The following GMDS variants were observed in gnomAD, a reference collection of about 807,000 sequenced individuals.
GMDS encodes the protein GDP-mannose 4,6 dehydratase.
Under a neutral mutation model 49.9 loss-of-function variants are expected in GMDS, and 20 were observed. The ratio of observed to expected loss-of-function variants is 0.40; its 90% confidence interval spans 0.28 to 0.58. The LOEUF is 0.58. Among genes scored for constraint, GMDS ranks in the 20% least tolerant of loss-of-function variants. The pLI, the probability that GMDS is intolerant of heterozygous loss-of-function variation, is 0.42. For missense variants in GMDS, 362 were observed against 481.4 expected, an observed-to-expected ratio of 0.75 and a Z score of 2.32; for synonymous variants, 177 against 178.6, an observed-to-expected ratio of 0.99 and a Z score of 0.07.
At chr6:2,054,547 G>A (rs1029844979) in intron 4 of GMDS, among the ~76,000 whole-genome samples, 3 of 152,074 alleles carry the variant, frequency 2.0e-5, no homozygotes, top group Admixed American at 1.3e-4. Context: ...CATAGCTATT[G>A]GAAATGAGGT....
At chr6:2,174,115 C>G (rs532430523) in intron 1 of GMDS, among the ~76,000 whole-genome samples, 2 of 152,264 alleles carry the variant, frequency 1.3e-5, no homozygotes, top group Non-Finnish European at 2.9e-5. Context: ...GGCGGTCTCA[C>G]TCATTCAATA....
At chr6:1,773,228 A>AAGAG (rs200894611) in intron 7 of GMDS, among the ~76,000 whole-genome samples, 3,098 of 149,984 alleles carry the variant, frequency 0.021, 101 homozygotes, top group African/African-American at 0.072. Flanking sequence ...AGAGAAGTCT[A>AAGAG]CTATTTGAGA....
At chr6:1,942,448 C>T (rs548687759) in intron 6 of GMDS, among the ~76,000 whole-genome samples, 1 of 152,292 alleles carries the variant, frequency 6.6e-6, no homozygotes, top group South Asian at 2.1e-4. Context: ...CTGATTTATT[C>T]AAGGTAAGAT....
intron 4 of GMDS, among the ~76,000 whole-genome samples, chr6:2,034,112 A>T (rs1769139172): frequency 6.6e-6 from 1 of 152,224 alleles, no homozygotes. Context: ...GTGTGTGTAT[A>T]TAAGGGACAC....
intron 9 of GMDS, among the ~76,000 whole-genome samples, chr6:1,703,471 GA>G (rs201307367): frequency 7.3e-4 from 105 of 144,640 alleles, no homozygotes; most frequent in African/African-American, 2.0e-3. Flanking sequence ...GCATTCAAAA[GA>G]AAAAAAAAAA....
chr6:1,859,525 A>C (rs976905818), intron 7 of GMDS, among the ~76,000 whole-genome samples: 1 of 152,242 alleles, frequency 6.6e-6, no homozygotes, highest in Admixed American at 6.5e-5. Flanking sequence ...CCTCATGATG[A>C]TGCTGCACTT....
intron 4 of GMDS, among the ~76,000 whole-genome samples, chr6:2,042,839 C>T (rs966527711): frequency 2.6e-5 from 4 of 152,162 alleles, no homozygotes; most frequent in Admixed American, 2.6e-4. Flanking sequence ...ACTTTCCACT[C>T]GGACTCGTTT....
chr6:1,860,178 A>G (rs1310959383), intron 7 of GMDS, among the ~76,000 whole-genome samples: 1 of 152,254 alleles, frequency 6.6e-6, no homozygotes, highest in Non-Finnish European at 1.5e-5. Flanking sequence ...TAAAATGTTA[A>G]GAATACATAT....
At chr6:1,811,508 C>T (rs1187498063) in intron 7 of GMDS, among the ~76,000 whole-genome samples, 1 of 147,618 alleles carries the variant, frequency 6.8e-6, no homozygotes, top group Admixed American at 6.8e-5. Context: ...ATCTTTAAGA[C>T]ACAAAATCTT....
At chr6:2,063,520 A>G (rs974619507) in intron 4 of GMDS, among the ~76,000 whole-genome samples, 3 of 152,230 alleles carry the variant, frequency 2.0e-5, no homozygotes, top group Non-Finnish European at 4.4e-5. Context: ...ACCATAATAA[A>G]TGGTAAGTAT....
At chr6:2,212,437 A>C (rs1211520809) in intron 1 of GMDS, among the ~76,000 whole-genome samples, 1 of 152,226 alleles carries the variant, frequency 6.6e-6, no homozygotes, top group Non-Finnish European at 1.5e-5. Flanking sequence ...GAGCAACAAA[A>C]AAATCAACAG....
intron 7 of GMDS, among the ~76,000 whole-genome samples, chr6:1,771,666 T>G (rs1380438620): frequency 1.3e-5 from 2 of 152,234 alleles, no homozygotes; most frequent in African/African-American, 2.4e-5. Context: ...TTCTGAGTTT[T>G]GTGCAAATCT....
At chr6:2,140,435 A>T (rs922958895) in intron 1 of GMDS, among the ~76,000 whole-genome samples, 2 of 152,210 alleles carry the variant, frequency 1.3e-5, no homozygotes, top group African/African-American at 4.8e-5. Context: ...CTGTGAGAAG[A>T]CAGCTGTGTT....
At chr6:1,642,497 G>A (rs533586460) in intron 9 of GMDS, among the ~76,000 whole-genome samples, 2 of 152,180 alleles carry the variant, frequency 1.3e-5, no homozygotes, top group East Asian at 3.9e-4. Context: ...TACCCCAAAG[G>A]TTCTATAACT....
chr6:1,699,213 C>T (rs533787761), intron 9 of GMDS, among the ~76,000 whole-genome samples: 29 of 151,968 alleles, frequency 1.9e-4, no homozygotes, highest in Non-Finnish European at 3.8e-4. Context: ...GAAGACTGCA[C>T]ATCAGGCTGC....
chr6:1,768,777 A>G (rs1768461742), intron 7 of GMDS, among the ~76,000 whole-genome samples: 1 of 152,208 alleles, frequency 6.6e-6, no homozygotes. Context: ...TACTCAATCT[A>G]TATATTTTGC....
chr6:1,881,429 G>A (rs753796561), intron 7 of GMDS, among the ~76,000 whole-genome samples: 4 of 152,132 alleles, frequency 2.6e-5, no homozygotes, highest in African/African-American at 4.8e-5. Context: ...AAATTAAGAT[G>A]ACTTACTTTC....
intron 9 of GMDS, among the ~76,000 whole-genome samples, chr6:1,638,747 AG>A (rs759840962): frequency 1.1e-4 from 16 of 152,172 alleles, no homozygotes; most frequent in Non-Finnish European, 1.8e-4. Context: ...AGAATTAGAA[AG>A]AACTCTCTGG....
intron 1 of GMDS, among the ~76,000 whole-genome samples, chr6:2,207,158 T>C (rs1779843749): frequency 6.6e-6 from 1 of 152,098 alleles, no homozygotes; most frequent in Non-Finnish European, 1.5e-5. Flanking sequence ...GGGTCAACAA[T>C]AATCAATGAC....
Sources: allele counts gnomAD v4.1 joint callset (sites outside exome capture counted in the v4.1 genomes callset), GRCh38; gene constraint gnomAD v4.1.1; transcripts MANE v1.5; gene names NCBI Gene and HGNC (gene_info 2026-07-23, HGNC 2026-07-21).